TGFBR3: variants seen among roughly 807,000 people sequenced by gnomAD.
The protein encoded by TGFBR3 is transforming growth factor beta receptor type 3.
In TGFBR3, 46 loss-of-function variants were observed where a neutral mutation model predicts 87.9. The observed-to-expected ratio is 0.52, with a 90% confidence interval of 0.41 to 0.67. The LOEUF is 0.67. Among genes scored for constraint, TGFBR3 ranks in the 30% least tolerant of loss-of-function variants. The pLI is 0.00. For synonymous variants in TGFBR3, 381 were observed against 391.6 expected, an observed-to-expected ratio of 0.97 and a Z score of 0.32; for missense variants, 866 against 1,041.9, an observed-to-expected ratio of 0.83 and a Z score of 2.32.
At chr1:91,729,686 G>A (rs764814720) in intron 6 of TGFBR3, 119 bp downstream of exon 6, 3 of 1,171,110 alleles carry the variant, frequency 2.6e-6, no homozygotes, top group Non-Finnish European at 3.8e-6. Flanking sequence ...AAGCATCAAT[G>A]GCTCCCTTCC....
chr1:91,738,656 G>A (rs1161759358), intron 4 of TGFBR3, among the ~76,000 whole-genome samples: 3 of 152,204 alleles, frequency 2.0e-5, no homozygotes, highest in Admixed American at 6.5e-5. Flanking sequence ...GCAGAACCAT[G>A]AGCCAATTAA....
chr1:91,888,577 C>A (rs1235818662), upstream of TGFBR3, among the ~76,000 whole-genome samples: 2 of 152,114 alleles, frequency 1.3e-5, no homozygotes, highest in African/African-American at 4.8e-5. Context: ...TGGCGGGCAC[C>A]TGTAATCCCA....
chr1:91,697,646 A>AGGG (rs1224281288), intron 15 of TGFBR3, among the ~76,000 whole-genome samples: 3 of 152,228 alleles, frequency 2.0e-5, no homozygotes, highest in Non-Finnish European at 4.4e-5. Context: ...CAGCCCTTGC[A>AGGG]CTACGGATTG....
chr1:91,841,805 A>AG (rs1395918625), intron 2 of TGFBR3, among the ~76,000 whole-genome samples: 5 of 149,634 alleles, frequency 3.3e-5, no homozygotes, highest in East Asian at 2.0e-4. Context: ...AAAAAAAAAA[A>AG]AAAAAAAAGT....
intron 4 of TGFBR3, among the ~76,000 whole-genome samples, chr1:91,736,994 G>A (rs907683641): frequency 8.5e-5 from 13 of 152,290 alleles, no homozygotes; most frequent in Admixed American, 4.6e-4. Context: ...AGATATCAAC[G>A]GCAACTCCGA....
At chr1:91,790,212 GTACCTT>G (rs1675135844) in intron 3 of TGFBR3, among the ~76,000 whole-genome samples, 1 of 152,178 alleles carries the variant, frequency 6.6e-6, no homozygotes, top group African/African-American at 2.4e-5. Flanking sequence ...TAATTTTCCT[GTACCTT>G]TTTGACATTT....
intron 6 of TGFBR3, 156 bp from the exon 7 acceptor site, chr1:91,727,962 C>T: frequency 1.3e-6 from 1 of 765,486 alleles, no homozygotes; most frequent in South Asian, 1.6e-5. Flanking sequence ...CAGATTGTTA[C>T]TGCACACATA....
At position 91,778,159 on chromosome 1, in the gene TGFBR3, T is replaced by TA. The variant is rs79576439; in HGVS notation, c.246+19127dup. 9.2e-3 allele frequency among the ~76,000 whole-genome samples: 1,248 copies of TA among 135,072 alleles called. 7 individuals are homozygous for TA. Among genetic ancestry groups the TA allele is most frequent in the South Asian group, 0.021 (85 of 4,118 alleles). 88.6% of individuals were successfully genotyped at this position (135,072 alleles called of 152,430 possible). A position where few individuals can be genotyped will look rare whatever the true frequency, so the allele number is the denominator to read the frequency against. On this transcript the variant is annotated intron_variant, in intron 3 of 16. Transcript: ENST00000212355. ...TCTGTAAATCCTACTTAATCTAGGT[T>TA]AAAAAAAAAAAAAAAACACACATAA...
At chr1:91,786,342 C>A in intron 3 of TGFBR3, 1 of 428,466 alleles carries the variant, frequency 2.3e-6, no homozygotes. Flanking sequence ...AGAGGCCAGT[C>A]CCAGGAGACC....
At chr1:91,892,923 T>G (rs1679479491) in intron 2 of TGFBR3, among the ~76,000 whole-genome samples, 1 of 152,216 alleles carries the variant, frequency 6.6e-6, no homozygotes, top group South Asian at 2.1e-4. Context: ...AGGGAAATGC[T>G]TTATTCCTAA....
At chr1:91,713,813 GC>G in intron 12 of TGFBR3, among the ~76,000 whole-genome samples, 1 of 152,028 alleles carries the variant, frequency 6.6e-6, no homozygotes, top group Non-Finnish European at 1.5e-5. Context: ...TGGAAAGGTG[GC>G]AAATTACATA....
intron 1 of TGFBR3, 100 bp from the exon 2 acceptor site, chr1:91,861,744 A>T: frequency 1.7e-6 from 1 of 593,034 alleles, no homozygotes; most frequent in South Asian, 1.9e-5. Flanking sequence ...TAATGTAAGA[A>T]ATTTATCTTA....
At chr1:91,723,570 G>A (rs1413401972) in intron 7 of TGFBR3, among the ~76,000 whole-genome samples, 2 of 150,618 alleles carry the variant, frequency 1.3e-5, no homozygotes, top group Non-Finnish European at 2.9e-5. Context: ...TTTGGGAAAG[G>A]ATATAAATGG....
intron 3 of TGFBR3, among the ~76,000 whole-genome samples, chr1:91,773,242 A>ATT (rs3039444): frequency 6.7e-6 from 1 of 148,202 alleles, no homozygotes; most frequent in South Asian, 2.1e-4. Context: ...TAAATAAATG[A>ATT]TTTTTTTTTT....
intron 2 of TGFBR3, 56 bp downstream of exon 2, chr1:91,861,400 AACTAAAGAGACTGGG>A: frequency 8.3e-7 from 1 of 1,210,634 alleles, no homozygotes; most frequent in Non-Finnish European, 1.2e-6. Flanking sequence ...ACTTCATCTC[AACTAAAGAGACTGGG>A]ACAAAATATA....
chr1:91,778,798 T>C (rs765628851), intron 3 of TGFBR3, among the ~76,000 whole-genome samples: 19 of 152,220 alleles, frequency 1.2e-4, no homozygotes, highest in Non-Finnish European at 1.8e-4. Context: ...ACAGTGAACA[T>C]ATTTAAAAAT....
chr1:91,729,623 C>T (rs558766761), intron 6 of TGFBR3, among the ~76,000 whole-genome samples, 182 bp downstream of exon 6: 1 of 152,266 alleles, frequency 6.6e-6, no homozygotes, highest in South Asian at 2.1e-4. Flanking sequence ...TTCTGTGAAA[C>T]ACATCTGATG....
At chr1:91,698,175 G>C in intron 14 of TGFBR3, 45 bp from the exon 15 acceptor site, 1 of 1,552,188 alleles carries the variant, frequency 6.4e-7, no homozygotes. Flanking sequence ...GGAGAACCAA[G>C]ATTTAAGCAA....
intron 2 of TGFBR3, among the ~76,000 whole-genome samples, chr1:91,896,924 T>TC (rs1034084659): frequency 1.3e-5 from 2 of 151,138 alleles, no homozygotes; most frequent in Non-Finnish European, 2.9e-5. Context: ...TCTTTTCTTT[T>TC]TTTTTTTTTA....
Sources: allele counts gnomAD v4.1 joint callset (sites outside exome capture counted in the v4.1 genomes callset), GRCh38; gene constraint gnomAD v4.1.1; transcripts MANE v1.5; gene names NCBI Gene and HGNC (gene_info 2026-07-23, HGNC 2026-07-21).